CNTNAP4: variants seen among roughly 807,000 people sequenced by gnomAD.
CNTNAP4 encodes the protein contactin associated protein family member 4, also known as contactin-associated protein-like 4.
Under a neutral mutation model 148.4 loss-of-function variants are expected in CNTNAP4, and 98 were observed. That is an observed-to-expected ratio of 0.66 (90% CI 0.56 to 0.78). The LOEUF (loss-of-function observed/expected upper bound fraction) is 0.78. Among genes scored for constraint, CNTNAP4 ranks in the 30% least tolerant of loss-of-function variants. CNTNAP4 has a pLI of 0.00. For synonymous variants in CNTNAP4, 730 were observed against 565.1 expected, an observed-to-expected ratio of 1.29 and a Z score of -4.14; for missense variants, 1,935 against 1,565.6, an observed-to-expected ratio of 1.24 and a Z score of -3.98.
At chr16:76,447,338 G>GTATATATATATATGAAATTA (rs1555559367) in intron 4 of CNTNAP4, among the ~76,000 whole-genome samples, 9 of 117,390 alleles carry the variant, frequency 7.7e-5, no homozygotes, top group African/African-American at 2.1e-4. Flanking sequence ...ATGAAATTAT[G>GTATATATATATATGAAATTA]TATATATATA....
chr16:76,421,636 A>G (rs775830965), intron 3 of CNTNAP4, among the ~76,000 whole-genome samples: 62 of 152,172 alleles, frequency 4.1e-4, no homozygotes, highest in Non-Finnish European at 8.4e-4. Context: ...AAAATTAAAA[A>G]GTGATTTCTA....
At chr16:76,503,490 A>C (rs4430774) in intron 15 of CNTNAP4, among the ~76,000 whole-genome samples, 1 of 152,020 alleles carries the variant, frequency 6.6e-6, no homozygotes, top group Non-Finnish European at 1.5e-5. Flanking sequence ...GAGTTTAGCA[A>C]AGTCACAGGA....
At chr16:76,302,567 C>A (rs988495078) in intron 1 of CNTNAP4, among the ~76,000 whole-genome samples, 11 of 152,114 alleles carry the variant, frequency 7.2e-5, no homozygotes, top group African/African-American at 2.7e-4. Flanking sequence ...GACCTTTAGA[C>A]CTTTTGAAGG....
At chr16:76,342,465 C>CTTTTTTTTTT (rs397854943) in intron 2 of CNTNAP4, among the ~76,000 whole-genome samples, 3 of 91,490 alleles carry the variant, frequency 3.3e-5, no homozygotes, top group Non-Finnish European at 6.1e-5. Flanking sequence ...TTGCTAATTT[C>CTTTTTTTTTT]TTTTTTTTTT....
chr16:76,485,170 T>A (rs2081984279), intron 12 of CNTNAP4, among the ~76,000 whole-genome samples: 1 of 152,174 alleles, frequency 6.6e-6, no homozygotes, highest in South Asian at 2.1e-4. Context: ...CAGGCTGGAG[T>A]GCAATGGCAC....
intron 3 of CNTNAP4, among the ~76,000 whole-genome samples, chr16:76,370,545 C>G (rs2014688213): frequency 6.6e-6 from 1 of 152,088 alleles, no homozygotes; most frequent in South Asian, 2.1e-4. Flanking sequence ...TTTCAAGTTC[C>G]CAGCTGGAAG....
intron 2 of CNTNAP4, among the ~76,000 whole-genome samples, chr16:76,342,512 G>T (rs111914061): frequency 8.3e-6 from 1 of 120,320 alleles, no homozygotes; most frequent in East Asian, 2.2e-4. Flanking sequence ...TTGCTCTGTC[G>T]CCCAGGTTGG....
At chr16:76,406,085 G>A (rs2078591382) in intron 3 of CNTNAP4, among the ~76,000 whole-genome samples, 1 of 152,224 alleles carries the variant, frequency 6.6e-6, no homozygotes, top group Admixed American at 6.5e-5. Context: ...TTAGGCGGGT[G>A]TGGTGGCTTA....
rs369931691 is a variant in CNTNAP4 at position 76,506,904 on chromosome 16, AG to A, written c.2365+8212del. Among the ~76,000 whole-genome samples the A allele has an allele frequency of 1.7e-4, 16 of 96,830 alleles. 3 individuals carry two copies. Among genetic ancestry groups the A allele is most frequent in the African/African-American group, 3.6e-4 (14 of 38,864 alleles). 63.5% of individuals were successfully genotyped at this position (96,830 alleles called of 152,430 possible). ...CATTCTTTGCTACCATTCTGTGAGG[AG>A]GCTAGTACAAAAATATAGAGTATTT... On this transcript the variant is annotated intron_variant, in intron 15 of 23. Transcript: ENST00000611870.
At chr16:76,414,162 A>G (rs1158713390) in intron 3 of CNTNAP4, among the ~76,000 whole-genome samples, 1 of 151,332 alleles carries the variant, frequency 6.6e-6, no homozygotes, top group African/African-American at 2.4e-5. Context: ...CATTTCCTAT[A>G]ATGTATGATA....
At chr16:76,556,268 T>G (rs2085195252) in intron 23 of CNTNAP4, among the ~76,000 whole-genome samples, 1 of 152,200 alleles carries the variant, frequency 6.6e-6, no homozygotes, top group Admixed American at 6.5e-5. Context: ...AAGCTATATA[T>G]ATACATCTTC....
Position 76,541,004 on chromosome 16 carries a change from G to A in CNTNAP4, c.3442+214G>A, listed in dbSNP as rs149573399. ...AGCAAGCATCTTCCTTTGATGGTAAGGTCACTCTGGTCTCAGTCCTGTCTC... is the reference window on the plus strand; with the variant it reads ...AGCAAGCATCTTCCTTTGATGGTAAAGTCACTCTGGTCTCAGTCCTGTCTC... On this transcript the variant is annotated intron_variant, in intron 21 of 23. Coordinates refer to ENST00000611870, the MANE Select transcript of CNTNAP4 (RefSeq NM_033401.5). Among the ~76,000 whole-genome samples, 7 of 152,142 alleles carry A rather than the reference G, an allele frequency of 4.6e-5. No homozygotes were observed. The South Asian group carries it at 1.0e-3, about 23-fold the overall frequency.
At chr16:76,335,635 T>C (rs1251008186) in intron 2 of CNTNAP4, among the ~76,000 whole-genome samples, 1 of 152,110 alleles carries the variant, frequency 6.6e-6, no homozygotes, top group East Asian at 1.9e-4. Flanking sequence ...TTCAGTTATC[T>C]GAATGTGAAA....
At chr16:76,532,790 T>A (rs143777750) in intron 17 of CNTNAP4, among the ~76,000 whole-genome samples, 32 of 152,256 alleles carry the variant, frequency 2.1e-4, no homozygotes, top group Middle Eastern at 3.4e-3. Flanking sequence ...GCCAAAGACT[T>A]TGAGCCCTGG....
At chr16:76,354,549 G>A (rs965758737) in intron 2 of CNTNAP4, among the ~76,000 whole-genome samples, 19 of 152,100 alleles carry the variant, frequency 1.2e-4, no homozygotes, top group African/African-American at 4.1e-4. Context: ...GCTGGGGTGA[G>A]GGCAGGTGCT....
intron 10 of CNTNAP4, among the ~76,000 whole-genome samples, chr16:76,470,867 G>T (rs2143547668): frequency 6.6e-6 from 1 of 152,002 alleles, no homozygotes; most frequent in East Asian, 1.9e-4. Context: ...CACCAATGTG[G>T]CCTTTGCACA....
At chr16:76,434,014 T>G (rs1397843807) in intron 4 of CNTNAP4, among the ~76,000 whole-genome samples, 1 of 151,268 alleles carries the variant, frequency 6.6e-6, no homozygotes, top group Admixed American at 6.6e-5. Context: ...AGAACTAATA[T>G]ATATATGTGT....
chr16:76,479,788 A>G (rs1371914697), intron 12 of CNTNAP4, among the ~76,000 whole-genome samples: 1 of 152,178 alleles, frequency 6.6e-6, no homozygotes, highest in Non-Finnish European at 1.5e-5. Flanking sequence ...TCCCCAAACA[A>G]AAAGGATAGA....
In CNTNAP4 at chr16:76,489,872, T is replaced by C. The variant is rs779339102; in HGVS notation, c.2069T>C (p.Val690Ala). 3 of 1,552,054 alleles carry C rather than the reference T, an allele frequency of 1.9e-6. No homozygotes were observed. The East Asian group carries it at 7.0e-5, about 36-fold the overall frequency. The change falls in exon 13 of 24, where the codon GTC becomes GCC. Residue 690 changes from valine (V) to alanine (A), a missense_variant. Physicochemically the swap from Val to Ala is moderately conservative, Grantham distance 64. Transcript: ENST00000611870. ...TATTACTGCAAGAAGTCACGGCTGG[T>C]CAATAAGCAAGGTAAGTAAACCATG... is the stretch of plus-strand genomic sequence containing the variant. ...FTYYCKKSRL[V>A]NKQDGTPLSW...
Sources: allele counts gnomAD v4.1 joint callset (sites outside exome capture counted in the v4.1 genomes callset), GRCh38; gene constraint gnomAD v4.1.1; transcripts MANE v1.5; gene names NCBI Gene and HGNC (gene_info 2026-07-23, HGNC 2026-07-21).